The following SDC2 variants were observed in gnomAD, a reference collection of about 807,000 sequenced individuals.
SDC2 encodes syndecan 2, also known as syndecan-2.
In SDC2, 13 loss-of-function variants were observed where a neutral mutation model predicts 22.2. The observed-to-expected ratio is 0.59, with a 90% CI of 0.38 to 0.93. SDC2 has a LOEUF of 0.93. SDC2 is among the 40% of genes least tolerant of loss of function. The pLI is 0.00. For synonymous variants in SDC2, 94 were observed against 92.8 expected (o/e 1.01, Z -0.07); for missense variants, 235 against 246.8 (o/e 0.95, Z 0.32).
At chr8:96,562,603 C>T (rs1309428115) in intron 1 of SDC2, among the ~76,000 whole-genome samples, 1 of 152,148 alleles carries the variant, frequency 6.6e-6, no homozygotes, top group Non-Finnish European at 1.5e-5. Context: ...CTTCTTGTTC[C>T]TAATGCACTC....
chr8:96,571,790 ATTTTCT>A (rs1814399623), intron 1 of SDC2, among the ~76,000 whole-genome samples: 1 of 152,084 alleles, frequency 6.6e-6, no homozygotes, highest in Non-Finnish European at 1.5e-5. Context: ...TACCTTGAAC[ATTTTCT>A]ATTTCATAAA....
intron 1 of SDC2, among the ~76,000 whole-genome samples, chr8:96,542,654 C>G (rs1357030382): frequency 6.6e-6 from 1 of 151,566 alleles, no homozygotes; most frequent in African/African-American, 2.4e-5. Flanking sequence ...GCAGCTTCCC[C>G]CCGAGAAGAC....
In SDC2 at chr8:96,598,835, C is replaced by T. The variant is rs541671838; in HGVS notation, c.173-3560C>T. On this transcript the variant is annotated intron_variant, in intron 2 of 4. Transcript: ENST00000302190. ...AGTAGGACCTGAAGGAGGAGATATT[C>T]AGTGGGGCTTCGAGATTTCTGGTTT... Among the ~76,000 whole-genome samples, 4 of 151,832 alleles carry T rather than the reference C, an allele frequency of 2.6e-5. No homozygotes were observed. The East Asian group carries it at 7.8e-4, about 30-fold the overall frequency.
chr8:96,552,797 T>C (rs1289505048), intron 1 of SDC2, among the ~76,000 whole-genome samples: 1 of 152,238 alleles, frequency 6.6e-6, no homozygotes, highest in African/African-American at 2.4e-5. Context: ...AGTTAATGTT[T>C]CATATAAAAT....
Position 96,591,838 on chromosome 8 carries a change from A to G in SDC2, c.61-1642A>G, listed in dbSNP as rs991755023. On this transcript the variant is annotated intron_variant, in intron 1 of 4. Coordinates refer to ENST00000302190, the MANE Select transcript of SDC2 (RefSeq NM_002998.4). ...CCCAAGCGGTGTTTACTGAGCATCT[A>G]CTATATGCCAGGCACTGTGACTGGG... Among the ~76,000 whole-genome samples, 6 of 152,092 alleles carry G rather than the reference A, an allele frequency of 3.9e-5. No individual in the cohort carries two copies. The East Asian group carries it at 7.8e-4, about 20-fold the overall frequency.
intron 1 of SDC2, among the ~76,000 whole-genome samples, chr8:96,533,121 A>G (rs1452456841): frequency 1.3e-5 from 2 of 152,168 alleles, no homozygotes; most frequent in African/African-American, 4.8e-5. Context: ...GTGAAGCTGC[A>G]GACCTTCGTG....
At chr8:96,548,257 G>A (rs1813968106) in intron 1 of SDC2, among the ~76,000 whole-genome samples, 1 of 152,158 alleles carries the variant, frequency 6.6e-6, no homozygotes, top group Non-Finnish European at 1.5e-5. Context: ...AAACAGGATG[G>A]TTTTCCCAGC....
chr8:96,534,247 G>T (rs1476696289), intron 1 of SDC2, among the ~76,000 whole-genome samples: 3 of 152,204 alleles, frequency 2.0e-5, no homozygotes, highest in Non-Finnish European at 4.4e-5. Flanking sequence ...TAGCCCAGAA[G>T]GGGGCCCCCA....
At chr8:96,596,862 C>T (rs574635445) in intron 2 of SDC2, among the ~76,000 whole-genome samples, 97 of 152,168 alleles carry the variant, frequency 6.4e-4, no homozygotes, top group African/African-American at 2.2e-3. Flanking sequence ...TTCAGAAGGC[C>T]GAGTTAGTTC....
At chr8:96,517,729 GTA>G (rs1335251454) in intron 1 of SDC2, among the ~76,000 whole-genome samples, 23 of 149,598 alleles carry the variant, frequency 1.5e-4, no homozygotes, top group Non-Finnish European at 2.4e-4. Flanking sequence ...ATTTTTGTAT[GTA>G]TATATGTGTG....
At position 96,522,752 on chromosome 8, in the gene SDC2, A is replaced by C. The variant is rs527358130; in HGVS notation, c.60+28421A>C. Among the ~76,000 whole-genome samples the C allele has an allele frequency of 3.3e-5, 5 of 152,364 alleles. No individual in the cohort carries two copies. The South Asian group carries it at 1.0e-3, about 32-fold the overall frequency. ...ATATTTGAAATAGTCATTAAGTTAT[A>C]TAATTGGATTTTTAGAGAACAAGAT... On this transcript the variant is annotated intron_variant, in intron 1 of 4. Transcript: ENST00000302190.
chr8:96,533,915 G>T (rs1263826153), intron 1 of SDC2, among the ~76,000 whole-genome samples: 1 of 152,186 alleles, frequency 6.6e-6, no homozygotes, highest in Non-Finnish European at 1.5e-5. Flanking sequence ...CGTTGGGGAG[G>T]CTTGGGCATG....
intron 1 of SDC2, among the ~76,000 whole-genome samples, chr8:96,568,457 G>A (rs1447345200): frequency 6.6e-6 from 1 of 152,194 alleles, no homozygotes; most frequent in Non-Finnish European, 1.5e-5. Context: ...GAGCCCCAAA[G>A]CTCTGTCTGT....
chr8:96,502,629 G>A (rs1429229338), intron 1 of SDC2, among the ~76,000 whole-genome samples: 1 of 152,102 alleles, frequency 6.6e-6, no homozygotes, highest in Non-Finnish European at 1.5e-5. Context: ...GAGCACTTGA[G>A]CCTGGTCTGA....
At chr8:96,563,398 A>G (rs915505964) in intron 1 of SDC2, among the ~76,000 whole-genome samples, 1 of 152,178 alleles carries the variant, frequency 6.6e-6, no homozygotes, top group Admixed American at 6.5e-5. Flanking sequence ...ACATCCTCTC[A>G]TGCTCTTTGC....
chr8:96,594,759 A>G (rs1814843974), intron 2 of SDC2, among the ~76,000 whole-genome samples: 1 of 152,250 alleles, frequency 6.6e-6, no homozygotes, highest in Non-Finnish European at 1.5e-5. Context: ...ACAGTTCAGC[A>G]TGCCTGGGGA....
chr8:96,562,425 A>G (rs990574036), intron 1 of SDC2, among the ~76,000 whole-genome samples: 1 of 152,176 alleles, frequency 6.6e-6, no homozygotes, highest in Non-Finnish European at 1.5e-5. Context: ...TGAAGGCCAC[A>G]GTCAGCCTGG....
chr8:96,599,050 T>A (rs1814931379), intron 2 of SDC2, among the ~76,000 whole-genome samples: 1 of 150,854 alleles, frequency 6.6e-6, no homozygotes, highest in East Asian at 2.0e-4. Flanking sequence ...CAAGTGATTC[T>A]CCTGCTTGAG....
intron 1 of SDC2, among the ~76,000 whole-genome samples, chr8:96,529,517 T>C (rs1449589574): frequency 6.6e-6 from 1 of 152,162 alleles, no homozygotes; most frequent in African/African-American, 2.4e-5. Context: ...GTTAAGAATC[T>C]AACAAAAATA....
Sources: gnomAD v4.1 joint callset for allele counts (sites outside exome capture counted in the v4.1 genomes callset) on GRCh38, gnomAD v4.1.1 for gene constraint, MANE v1.5 for transcripts, NCBI Gene and HGNC (gene_info 2026-07-23, HGNC 2026-07-21) for gene names.